Variants in ITGA11 observed in about 807,000 individuals in gnomAD.
ITGA11 encodes integrin alpha-11.
In ITGA11, 97 loss-of-function variants were observed where a neutral mutation model predicts 141.9. The ratio of observed to expected loss-of-function variants is 0.68; its 90% CI spans 0.58 to 0.81. ITGA11 has a LOEUF of 0.81. Among genes scored for constraint, ITGA11 ranks in the 30% least tolerant of loss-of-function variants. The probability of loss-of-function intolerance (pLI) is 0.00; values close to 1 mark genes in which losing one functional copy is unlikely to be tolerated. For missense variants in ITGA11, 1,387 were observed against 1,559.2 expected, an observed-to-expected ratio of 0.89 and a Z score of 1.86; for synonymous variants, 658 against 624.6, an observed-to-expected ratio of 1.05 and a Z score of -0.80.
At chr15:68,391,249 T>C (rs28453743) in intron 2 of ITGA11, among the ~76,000 whole-genome samples, 9,335 of 152,230 alleles carry the variant, frequency 0.061, 533 homozygotes, top group African/African-American at 0.15. Flanking sequence ...AGCTCGGCTG[T>C]GGCAGTAACA....
intron 2 of ITGA11, among the ~76,000 whole-genome samples, chr15:68,390,834 G>C (rs950104933): frequency 6.6e-6 from 1 of 152,246 alleles, no homozygotes; most frequent in Non-Finnish European, 1.5e-5. Context: ...GGTTGGCAGA[G>C]GTTCTCCCAA....
intron 6 of ITGA11, 44 bp downstream of exon 6, chr15:68,358,414 G>C (rs1290558481): frequency 3.2e-6 from 5 of 1,562,018 alleles, no homozygotes; most frequent in Non-Finnish European, 4.3e-6. Context: ...CCATGGGTTT[G>C]GGTGGCCCTG....
rs1293486967 is a variant in ITGA11 at position 68,315,657 on chromosome 15, G to A, written c.2786C>T (p.Ala929Val). ...FLHHLEIELA[A>V]GSDSNERDST... ...GAGCAGGCACGGCCCTGACCTGCCTGCAGCGAGCTCGATCTCCAGGTGGTG... is the reference window on the plus strand; with the variant it reads ...GAGCAGGCACGGCCCTGACCTGCCTACAGCGAGCTCGATCTCCAGGTGGTG... The change falls in exon 22 of 30, where the codon GCA becomes GTA. Residue 929 changes from alanine to valine, a missense_variant. By Grantham distance (64) the Ala-to-Val change is moderately conservative. Transcript: ENST00000315757. 1 of 1,613,122 alleles carries A rather than the reference G, an allele frequency of 6.2e-7. No individual in the cohort carries two copies. The highest frequency in any genetic ancestry group is 1.7e-5 in the Admixed American group (1 of 59,946).
chr15:68,382,568 A>T (rs1235343203), intron 2 of ITGA11, among the ~76,000 whole-genome samples: 1 of 152,050 alleles, frequency 6.6e-6, no homozygotes, highest in East Asian at 1.9e-4. Context: ...CTTCTTCACC[A>T]TCTGTGGGCC....
chr15:68,392,319 C>G (rs919076402), intron 2 of ITGA11, among the ~76,000 whole-genome samples: 2 of 152,206 alleles, frequency 1.3e-5, no homozygotes, highest in Admixed American at 1.3e-4. Flanking sequence ...CACTGGACAG[C>G]AATCAAGGCA....
At chr15:68,384,984 T>C (rs1302954976) in intron 2 of ITGA11, among the ~76,000 whole-genome samples, 1 of 152,244 alleles carries the variant, frequency 6.6e-6, no homozygotes, top group Non-Finnish European at 1.5e-5. Context: ...AACCTGTCCC[T>C]GGACACCATA....
chr15:68,361,496 A>G, intron 5 of ITGA11, 94 bp downstream of exon 5: 1 of 796,404 alleles, frequency 1.3e-6, no homozygotes, highest in Non-Finnish European at 2.1e-6. Context: ...GAGTCCAAAT[A>G]CTGCTTTCTA....
rs144637026 is a variant in ITGA11, at chr15:68,430,165, TCG to T, written c.52+1848_52+1849del. Among the ~76,000 whole-genome samples, 108 of 152,340 alleles carry T rather than the reference TCG, an allele frequency of 7.1e-4. 1 individual carries two copies. Among genetic ancestry groups the T allele is most frequent in the Non-Finnish European group, 1.3e-3 (89 of 68,034 alleles). ...ACCAGACATAACTCAGGAGTGGTTT[TCG>T]CCATATAAGCGGAGCTCTGAGTCAC... On this transcript the variant is annotated intron_variant, in intron 1 of 29. Coordinates refer to ENST00000315757, the MANE Select transcript of ITGA11 (RefSeq NM_001004439.2).
At chr15:68,389,425 C>A (rs527483197) in intron 2 of ITGA11, among the ~76,000 whole-genome samples, 1 of 152,354 alleles carries the variant, frequency 6.6e-6, no homozygotes, top group Admixed American at 6.5e-5. Context: ...AGGAGCATGG[C>A]AGCCCTGGGG....
At chr15:68,338,180 G>C (rs950583981) in intron 11 of ITGA11, among the ~76,000 whole-genome samples, 1 of 152,210 alleles carries the variant, frequency 6.6e-6, no homozygotes, top group African/African-American at 2.4e-5. Flanking sequence ...AATAAAACAC[G>C]AGTCATTCTA....
intron 10 of ITGA11, among the ~76,000 whole-genome samples, chr15:68,342,071 T>C (rs57976383): frequency 0.036 from 5,511 of 152,260 alleles, 327 homozygotes; most frequent in African/African-American, 0.12. Context: ...TTAAGGCCAC[T>C]GAAGCAAGCC....
intron 22 of ITGA11, among the ~76,000 whole-genome samples, chr15:68,314,832 G>C (rs902786706): frequency 1.6e-4 from 24 of 152,176 alleles, no homozygotes; most frequent in Admixed American, 1.6e-3. Flanking sequence ...GCGCTTATGT[G>C]ACCTCTGACC....
At chr15:68,351,916 C>G (rs1894923421) in intron 7 of ITGA11, among the ~76,000 whole-genome samples, 1 of 151,998 alleles carries the variant, frequency 6.6e-6, no homozygotes, top group African/African-American at 2.4e-5. Flanking sequence ...AACCCTGCCT[C>G]TACTAAAAAT....
intron 1 of ITGA11, among the ~76,000 whole-genome samples, chr15:68,426,020 C>T (rs1225441817): frequency 2.0e-5 from 3 of 152,204 alleles, no homozygotes; most frequent in Admixed American, 6.5e-5. Context: ...TGTTATAGAA[C>T]GAGGCTGCCC....
chr15:68,361,699 G>A lies in ITGA11; in HGVS notation c.363C>T (p.Cys121=), dbSNP rs1359541329. The A allele has an allele frequency of 1.2e-6, 2 of 1,600,762 alleles. No individual in the cohort carries two copies. Among genetic ancestry groups the A allele is most frequent in the African/African-American group, 2.7e-5 (2 of 74,682 alleles). Reference sequence around the variant, plus strand: ...CACACTCATGAGACCAGAGGGGGCTGCAGGCCTGGGGAGGGCAGTGCAGAT... The same window carrying A: ...CACACTCATGAGACCAGAGGGGGCTACAGGCCTGGGGAGGGCAGTGCAGAT... ...TNPKDNSFLA[C]SPLWSHECGS... Residue 121 remains cysteine (C), a synonymous_variant, in exon 5 of 30, where the codon TGC becomes TGT. Transcript: ENST00000315757.
intron 21 of ITGA11, among the ~76,000 whole-genome samples, chr15:68,316,318 G>A (rs1474203876): frequency 4.6e-5 from 7 of 152,240 alleles, no homozygotes; most frequent in Non-Finnish European, 2.9e-5. Flanking sequence ...TTCGCCCCGC[G>A]GTGGGGAAAC....
chr15:68,350,362 T>C (rs976929633), intron 9 of ITGA11, among the ~76,000 whole-genome samples: 2 of 144,336 alleles, frequency 1.4e-5, no homozygotes, highest in Admixed American at 1.3e-4. Flanking sequence ...TTTTTGTAAT[T>C]TTTTTTTTAA....
chr15:68,424,442 A>G (rs1217611749), intron 1 of ITGA11, among the ~76,000 whole-genome samples: 1 of 152,026 alleles, frequency 6.6e-6, no homozygotes, highest in Non-Finnish European at 1.5e-5. Context: ...TCCATCTTGG[A>G]TGCCCGTTAG....
intron 2 of ITGA11, among the ~76,000 whole-genome samples, chr15:68,387,136 G>A (rs1455704747): frequency 1.3e-5 from 2 of 152,098 alleles, no homozygotes; most frequent in Admixed American, 6.5e-5. Context: ...AGTAGAAGAA[G>A]GTAGGGGAAA....
Sources: gnomAD v4.1 joint callset for allele counts (sites outside exome capture counted in the v4.1 genomes callset) on GRCh38, gnomAD v4.1.1 for gene constraint, MANE v1.5 for transcripts, NCBI Gene and HGNC (gene_info 2026-07-23, HGNC 2026-07-21) for gene names.